Variants in RUNX3 observed in about 807,000 individuals in gnomAD.
The protein encoded by RUNX3 is runt-related transcription factor 3.
In RUNX3, 10 loss-of-function variants were observed where a neutral mutation model predicts 27.7. That is an observed-to-expected ratio of 0.36 (90% CI 0.22 to 0.61). The LOEUF (loss-of-function observed/expected upper bound fraction) is 0.61, where lower values mean the gene tolerates loss of function less well. Among genes scored for constraint, RUNX3 ranks in the 20% least tolerant of loss-of-function variants. The pLI is 0.72. For synonymous variants in RUNX3, 270 were observed against 269.2 expected, an observed-to-expected ratio of 1.00 and a Z score of -0.03; for missense variants, 469 against 629.5, an observed-to-expected ratio of 0.75 and a Z score of 2.73.
chr1:24,921,711 T>G (rs1365346907), intron 2 of RUNX3, among the ~76,000 whole-genome samples: 2 of 152,184 alleles, frequency 1.3e-5, no homozygotes, highest in Non-Finnish European at 1.5e-5. Context: ...CTGGGGTCCC[T>G]GAGCCTCTGA....
intron 2 of RUNX3, among the ~76,000 whole-genome samples, chr1:24,948,758 G>T (rs1477140928): frequency 6.6e-6 from 1 of 151,870 alleles, no homozygotes; most frequent in Non-Finnish European, 1.5e-5. Context: ...GTGTGCATGT[G>T]GGGGAGGGGC....
chr1:24,908,921 C>A (rs188639086), intron 3 of RUNX3, among the ~76,000 whole-genome samples: 19 of 152,210 alleles, frequency 1.2e-4, no homozygotes, highest in African/African-American at 4.6e-4. Flanking sequence ...ATAACTCCAC[C>A]AGGATGCTGG....
chr1:24,919,011 T>G (rs1328719829), intron 3 of RUNX3, among the ~76,000 whole-genome samples: 4 of 152,190 alleles, frequency 2.6e-5, no homozygotes, highest in Non-Finnish European at 4.4e-5. Context: ...CCCTCAGTAG[T>G]CTCCATGGAC....
intron 2 of RUNX3, among the ~76,000 whole-genome samples, chr1:24,963,809 A>G (rs1642181508): frequency 6.6e-6 from 1 of 152,166 alleles, no homozygotes. Context: ...CGGGGATCCC[A>G]GACCCCCTAT....
At chr1:24,963,799 C>T (rs956521200) in intron 2 of RUNX3, among the ~76,000 whole-genome samples, 1 of 152,248 alleles carries the variant, frequency 6.6e-6, no homozygotes, top group Non-Finnish European at 1.5e-5. Flanking sequence ...GGCTCCAGGT[C>T]GGGGATCCCA....
rs970321442 is a variant in RUNX3, at chr1:24,927,214, C to T, written c.439+360G>A. Among the ~76,000 whole-genome samples the T allele has an allele frequency of 6.6e-6, 1 of 152,136 alleles. No homozygotes were observed. The highest frequency in any genetic ancestry group is 1.5e-5 in the Non-Finnish European group (1 of 68,026). On this transcript the variant is annotated intron_variant, in intron 2 of 4. Transcript: ENST00000308873. This position sits in a 1 kb window ranked among gnomAD's most constrained non-coding sequence, Gnocchi z 5.0. ...CACAGATCAGGGACTTGTCCTGCAA[C>T]CGCCTTGCTGAAAGACCTATAAGCT...
upstream of RUNX3, among the ~76,000 whole-genome samples, chr1:24,933,858 G>A (rs556337757): frequency 3.9e-5 from 6 of 152,296 alleles, no homozygotes; most frequent in Admixed American, 3.3e-4. Context: ...CTAGTCCAGC[G>A]AAGAGAGCAG....
rs190705357 is a variant in RUNX3, at chr1:24,902,870, C to T, written c.704-204G>A. On this transcript the variant is annotated intron_variant, in intron 4 of 4. Transcript: ENST00000308873. The surrounding 1 kb of genome is among the most constrained non-coding windows in gnomAD (Gnocchi z 9.2). ...AGACCTGCCGGGAAGCTGGTTGGAG[C>T]GTGCCCCGGGCCAAGAGGGGCCATG... 3.6e-4 allele frequency among the ~76,000 whole-genome samples: 55 copies of T among 152,100 alleles called. No homozygotes were observed. Among genetic ancestry groups the T allele is most frequent in the Non-Finnish European group, 7.1e-4 (48 of 67,896 alleles).
At position 24,907,266 on chromosome 1, in the gene RUNX3, T is replaced by A. The variant is rs1287116724; in HGVS notation, c.696A>T (p.Pro232=). ...CCTCCCTCCGTGCCGTACCTTGGAT[T>A]GGGGTCTGGGGCTGGCTGCTGAAGT... ...TSHFSSQPQT[P]IQGTSELNPF... is the part of the protein sequence containing the mutation. Residue 232 remains proline (P), a synonymous_variant, in exon 4 of 5, where the codon CCA becomes CCT. Transcript: ENST00000308873. The A allele has an allele frequency of 6.8e-6, 11 of 1,610,656 alleles. No homozygotes were observed. The highest frequency in any genetic ancestry group is 9.3e-6 in the Non-Finnish European group (11 of 1,179,948).
intron 3 of RUNX3, among the ~76,000 whole-genome samples, chr1:24,917,078 C>T (rs1211588403): frequency 6.6e-6 from 1 of 152,192 alleles, no homozygotes; most frequent in Non-Finnish European, 1.5e-5. Context: ...CTGGGGTGGG[C>T]TGGGCTGAGC....
At chr1:24,913,908 G>A (rs925677148) in intron 3 of RUNX3, among the ~76,000 whole-genome samples, 27 of 152,386 alleles carry the variant, frequency 1.8e-4, no homozygotes, top group African/African-American at 4.6e-4. Flanking sequence ...CATTTTAGCA[G>A]GCATCCATGA....
intron 2 of RUNX3, among the ~76,000 whole-genome samples, chr1:24,948,497 A>G (rs964115681): frequency 6.6e-5 from 10 of 152,246 alleles, no homozygotes; most frequent in African/African-American, 2.4e-4. Flanking sequence ...AGAAACCCTC[A>G]GATGGTGCTG....
rs2124293470 is a variant in RUNX3, at chr1:24,923,688, G to A, written c.439+3886C>T. ...CGCCCCACCCACAGGAGCTGCATGG[G>A]TGGGGGGAGGGGACGTGTCTCAGTC... On this transcript the variant is annotated intron_variant, in intron 2 of 4. Coordinates refer to ENST00000308873, the MANE Select transcript of RUNX3 (RefSeq NM_004350.3). This position sits in a 1 kb window ranked among gnomAD's most constrained non-coding sequence, Gnocchi z 5.9. Among the ~76,000 whole-genome samples the A allele has an allele frequency of 6.6e-6, 1 of 152,262 alleles. No homozygotes were observed. The highest frequency in any genetic ancestry group is 2.1e-4 in the South Asian group (1 of 4,824).
chr1:24,964,549 T>A, exon 2 of RUNX3: 1 of 1,610,930 alleles, frequency 6.2e-7, no homozygotes. Flanking sequence ...CGGGAAGGAG[T>A]CGAAGATGCT....
At chr1:24,933,122 G>T (rs779647416), upstream of RUNX3, among the ~76,000 whole-genome samples, 2 of 152,134 alleles carry the variant, frequency 1.3e-5, no homozygotes, top group Non-Finnish European at 2.9e-5. Context: ...GTGGCGCCTG[G>T]GCAGGGATCC....
At position 24,916,520 on chromosome 1, in the gene RUNX3, G is replaced by T. The variant is rs1056391302; in HGVS notation, c.544+2720C>A. On this transcript the variant is annotated intron_variant, in intron 3 of 4. Coordinates refer to ENST00000308873, the MANE Select transcript of RUNX3 (RefSeq NM_004350.3). This position sits in a 1 kb window ranked among gnomAD's most constrained non-coding sequence, Gnocchi z 4.8. Reference sequence around the variant, plus strand: ...CTGGGGACTTTGCACAGGGCCTGACGCAAGGGAGGGGGTTGCTCAGTGACC... The same window carrying T: ...CTGGGGACTTTGCACAGGGCCTGACTCAAGGGAGGGGGTTGCTCAGTGACC... Among the ~76,000 whole-genome samples the T allele has an allele frequency of 6.6e-6, 1 of 152,168 alleles. No homozygotes were observed. Among genetic ancestry groups the T allele is most frequent in the Non-Finnish European group, 1.5e-5 (1 of 68,032 alleles).
At chr1:24,924,316 G>A (rs528748950) in intron 2 of RUNX3, among the ~76,000 whole-genome samples, 19 of 151,970 alleles carry the variant, frequency 1.3e-4, no homozygotes, top group Non-Finnish European at 2.5e-4. Flanking sequence ...TGCAGTGATC[G>A]CACCACTGCA....
At chr1:24,908,232 A>C (rs946106965) in intron 3 of RUNX3, among the ~76,000 whole-genome samples, 1 of 149,984 alleles carries the variant, frequency 6.7e-6, no homozygotes, top group Non-Finnish European at 1.5e-5. Flanking sequence ...CTGAACCTCT[A>C]TGACACGCGG....
intron 3 of RUNX3, 121 bp downstream of exon 3, chr1:24,919,119 G>A (rs1640944640): frequency 1.7e-6 from 1 of 602,888 alleles, no homozygotes; most frequent in Non-Finnish European, 2.9e-6. Flanking sequence ...GTGTGTGGGG[G>A]CACAGAGCCA....
Sources: gnomAD v4.1 joint callset for allele counts (sites outside exome capture counted in the v4.1 genomes callset) on GRCh38, gnomAD v4.1.1 for gene constraint, Gnocchi (gnomAD v3.1) non-coding constraint, MANE v1.5 for transcripts, NCBI Gene and HGNC (gene_info 2026-07-23, HGNC 2026-07-21) for gene names.